The following SYNE2 variants were observed in gnomAD, a reference collection of about 807,000 sequenced individuals.
The protein encoded by SYNE2 is spectrin repeat containing nuclear envelope protein 2, also known as nesprin-2.
SYNE2 carries 431 observed loss-of-function variants against 856.3 expected under a neutral mutation model. The observed-to-expected ratio is 0.50, with a 90% CI of 0.47 to 0.55. The LOEUF is 0.55. SYNE2 is among the 20% of genes least tolerant of loss of function. The probability of loss-of-function intolerance (pLI) is 0.00; values close to 1 mark genes in which losing one functional copy is unlikely to be tolerated. For missense variants in SYNE2, 8,129 were observed against 8,023.2 expected, an observed-to-expected ratio of 1.01 and a Z score of -0.50; for synonymous variants, 2,923 against 2,872.3, an observed-to-expected ratio of 1.02 and a Z score of -0.56.
chr14:64,009,294 G>A (rs1281506837), intron 31 of SYNE2, among the ~76,000 whole-genome samples: 9 of 152,104 alleles, frequency 5.9e-5, no homozygotes, highest in Non-Finnish European at 1.2e-4. Context: ...CCAGCACTTT[G>A]GGAGGCCAAG....
intron 53 of SYNE2, among the ~76,000 whole-genome samples, chr14:64,074,880 C>CAA (rs34470891): frequency 0.032 from 4,776 of 147,766 alleles, 103 homozygotes; most frequent in Middle Eastern, 0.052. Context: ...GGCTCCATCT[C>CAA]AAAAAAAAAA....
At chr14:63,902,699 TC>T (rs1193923078) in intron 1 of SYNE2, among the ~76,000 whole-genome samples, 1 of 151,756 alleles carries the variant, frequency 6.6e-6, no homozygotes, top group African/African-American at 2.4e-5. Flanking sequence ...TTTGTTTTTT[TC>T]TTTTTTTTTT....
Position 64,027,893 on chromosome 14 carries a change from G to GTTTTATTTTA in SYNE2, c.6714+120_6714+129dup, listed in dbSNP as rs534849268. 1.8e-5 allele frequency: 18 copies of GTTTTATTTTA among 1,015,326 alleles called. No individual in the cohort carries two copies. In the East Asian group the frequency reaches 3.7e-4, roughly 21 times the overall value. 62.9% of individuals were successfully genotyped at this position (1,015,326 alleles called of 1,614,324 possible). A position where few individuals can be genotyped will look rare whatever the true frequency, so the allele number is the denominator to read the frequency against. On this transcript the variant is annotated intron_variant, in intron 43 of 115. Coordinates refer to ENST00000555002, the MANE Select transcript of SYNE2 (RefSeq NM_182914.3). ...CTGTTGTTGTTGTTCATTTTGTTTT[G>GTTTTATTTTA]TTTTATTTTATTTTATTTTATTTTA... is the stretch of plus-strand genomic sequence containing the variant.
At chr14:63,872,822 A>G (rs2094619169) in intron 1 of SYNE2, among the ~76,000 whole-genome samples, 1 of 150,490 alleles carries the variant, frequency 6.6e-6, no homozygotes, top group South Asian at 2.1e-4. Context: ...TGTATGTTGC[A>G]CATTCTTCTG....
chr14:63,980,770 C>A, intron 15 of SYNE2, 38 bp downstream of exon 15: 2 of 1,353,726 alleles, frequency 1.5e-6, no homozygotes, highest in South Asian at 2.4e-5. Flanking sequence ...GAATGACTGT[C>A]ACTTAACAGT....
At chr14:64,117,300 T>A (rs1473863268) in intron 66 of SYNE2, among the ~76,000 whole-genome samples, 1 of 152,142 alleles carries the variant, frequency 6.6e-6, no homozygotes, top group Non-Finnish European at 1.5e-5. Flanking sequence ...TTAATTAATT[T>A]CTTTATTTAT....
intron 112 of SYNE2, among the ~76,000 whole-genome samples, chr14:64,222,188 A>T (rs1055043392): frequency 1.3e-5 from 2 of 152,222 alleles, no homozygotes; most frequent in Admixed American, 1.3e-4. Flanking sequence ...TGACATTTTC[A>T]TCCATAAATC....
At chr14:64,086,258 A>T (rs144164575) in intron 57 of SYNE2, among the ~76,000 whole-genome samples, 39 of 152,334 alleles carry the variant, frequency 2.6e-4, no homozygotes, top group African/African-American at 9.1e-4. Flanking sequence ...TCATTTATTG[A>T]TAACAATCAC....
intron 39 of SYNE2, 112 bp downstream of exon 39, chr14:64,024,571 C>A: frequency 9.6e-7 from 1 of 1,040,484 alleles, no homozygotes; most frequent in African/African-American, 1.6e-5. Context: ...ATTTCACACA[C>A]AAAAGGCGTA....
In SYNE2 at chr14:64,134,084, G is replaced by A. The variant is rs1268032843; in HGVS notation, c.14530G>A (p.Asp4844Asn). Residue 4844 changes from aspartate to asparagine, a missense_variant, in exon 78 of 116, where the codon GAT becomes AAT. Physicochemically the swap from Asp to Asn is conservative, Grantham distance 23. Transcript: ENST00000555002. ...QSLLQKWEEF[D>N]ENYASLEKDL... is the part of the protein sequence containing the mutation. ...GATTCTCTAGAAATGGGAAGAATTT[G>A]ATGAAAACTATGCATCTCTTGAAAA... The A allele has an allele frequency of 4.3e-6, 7 of 1,613,908 alleles. No homozygotes were observed. Among genetic ancestry groups the A allele is most frequent in the Non-Finnish European group, 4.2e-6 (5 of 1,179,990 alleles).
chr14:64,077,290 G>A (rs1437272769), intron 54 of SYNE2, among the ~76,000 whole-genome samples: 1 of 152,060 alleles, frequency 6.6e-6, no homozygotes, highest in Non-Finnish European at 1.5e-5. Context: ...ATACATTTCT[G>A]CCAGGAGAAT....
In SYNE2 at chr14:64,089,584, C is replaced by T. The variant is rs948828421; in HGVS notation, c.11681C>T (p.Ala3894Val). The T allele has an allele frequency of 6.2e-7, 1 of 1,609,322 alleles. No homozygotes were observed. The change falls in exon 59 of 116, where the codon GCT becomes GTT. Residue 3894 changes from alanine to valine, a missense_variant. This residue lies in a region of SYNE2 where 5,410 missense variants were observed against 5,284.8 expected (regional missense o/e 1.02). Coordinates refer to ENST00000555002, the MANE Select transcript of SYNE2 (RefSeq NM_182914.3). ...CTTCTGAAATTCTAGGATGTGGTTG[C>T]TATTGAATCTGAAGTAAAATCAATG... ...QIQRMADDVVAIESEVKSMEK... is the reference protein window; with the variant it reads ...QIQRMADDVVVIESEVKSMEK...
rs544559743 is a variant in SYNE2 at position 63,961,148 on chromosome 14, T to A, written c.788-377T>A. Among the ~76,000 whole-genome samples, 3 of 152,368 alleles carry A rather than the reference T, an allele frequency of 2.0e-5. No homozygotes were observed. The South Asian group carries it at 6.2e-4, about 32-fold the overall frequency. On this transcript the variant is annotated intron_variant, in intron 8 of 115. Transcript: ENST00000555002. ...TCAGGAATGCATTCTAATTGCTGTATGTTCCTGCATTCCTGGAGGAATTTC... is the reference window on the plus strand; with the variant it reads ...TCAGGAATGCATTCTAATTGCTGTAAGTTCCTGCATTCCTGGAGGAATTTC...
intron 49 of SYNE2, among the ~76,000 whole-genome samples, chr14:64,062,500 T>C (rs1178734334): frequency 6.8e-6 from 1 of 147,746 alleles, no homozygotes; most frequent in African/African-American, 2.5e-5. Context: ...AAGTGAACTT[T>C]AAAAAAAAAA....
At chr14:64,134,980 C>T (rs144535655) in intron 78 of SYNE2, among the ~76,000 whole-genome samples, 7,229 of 151,252 alleles carry the variant, frequency 0.048, 280 homozygotes, top group Non-Finnish European at 0.076. Context: ...GAGCGAGACT[C>T]CATCTCAAAA....
intron 7 of SYNE2, 89 bp downstream of exon 7, chr14:63,950,095 C>G (rs1207209026): frequency 7.2e-7 from 1 of 1,387,668 alleles, no homozygotes; most frequent in Non-Finnish European, 1.0e-6. Context: ...CCTCACTTAA[C>G]ATGAAAATTC....
intron 41 of SYNE2, 127 bp downstream of exon 41, chr14:64,025,548 C>A: frequency 1.1e-6 from 1 of 930,222 alleles, no homozygotes; most frequent in Non-Finnish European, 1.6e-6. Flanking sequence ...TGAAGAAATT[C>A]AGATCACTGA....
Position 64,027,668 on chromosome 14 carries a change from T to G in SYNE2, c.6589T>G (p.Ser2197Ala), listed in dbSNP as rs761170679. ...CCTCAAGAAAGCCCAAGATTTGACA[T>G]CCTTGCTAAAGGAGTTAAAATCTCA... The part of the protein sequence containing the change: ...KFLKKAQDLT[S>A]LLKELKSQGN... Residue 2197 changes from serine (S) to alanine (A), a missense_variant, in exon 43 of 116, where the codon TCC (serine) becomes GCC (alanine). Physicochemically the swap from Ser to Ala is moderately conservative, Grantham distance 99. This residue lies in a region of SYNE2 where 297 missense variants were observed against 380.9 expected (regional missense o/e 0.78). Coordinates refer to ENST00000555002, the MANE Select transcript of SYNE2 (RefSeq NM_182914.3). 13 of 1,614,136 alleles carry G rather than the reference T, an allele frequency of 8.1e-6. No homozygotes were observed. The East Asian group carries it at 2.7e-4, about 33-fold the overall frequency.
intron 1 of SYNE2, among the ~76,000 whole-genome samples, chr14:63,809,059 C>T (rs1351334340): frequency 1.3e-5 from 2 of 151,970 alleles, no homozygotes; most frequent in African/African-American, 2.4e-5. Context: ...TGGAGAGGCC[C>T]GGAGGTCACA....
Sources: gnomAD v4.1 joint callset for allele counts (sites outside exome capture counted in the v4.1 genomes callset) on GRCh38, gnomAD v4.1.1 for gene constraint, gnomAD v4.1.1 regional missense constraint, MANE v1.5 for transcripts, NCBI Gene and HGNC (gene_info 2026-07-23, HGNC 2026-07-21) for gene names.